The following GUCY1A2 variants were observed in gnomAD, a reference collection of about 807,000 sequenced individuals.
GUCY1A2 encodes guanylate cyclase 1 soluble subunit alpha 2.
Under a neutral mutation model 63.5 loss-of-function variants are expected in GUCY1A2, and 27 were observed. That is an observed-to-expected ratio of 0.43 (90% CI 0.31 to 0.59). The LOEUF (loss-of-function observed/expected upper bound fraction) is 0.59, where lower values mean the gene tolerates loss of function less well. Ranked by LOEUF, GUCY1A2 falls within the 20% of genes least tolerant of loss-of-function variation. The probability of loss-of-function intolerance (pLI) is 0.11; values close to 1 mark genes in which losing one functional copy is unlikely to be tolerated. For synonymous variants in GUCY1A2, 364 were observed against 343.5 expected (o/e 1.06, Z -0.66); for missense variants, 768 against 913.3 (o/e 0.84, Z 2.05).
At chr11:106,724,873 C>T (rs1591248822) in intron 6 of GUCY1A2, among the ~76,000 whole-genome samples, 1 of 152,156 alleles carries the variant, frequency 6.6e-6, no homozygotes, top group African/African-American at 2.4e-5. Context: ...CATTTGATTT[C>T]ATTTACTAGA....
At chr11:106,947,801 G>A (rs1370350266) in intron 3 of GUCY1A2, among the ~76,000 whole-genome samples, 1 of 151,774 alleles carries the variant, frequency 6.6e-6, no homozygotes, top group African/African-American at 2.4e-5. Context: ...CAATTCTGAG[G>A]TACAACAAAA....
intron 6 of GUCY1A2, among the ~76,000 whole-genome samples, chr11:106,718,584 AT>A (rs1863257199): frequency 6.6e-6 from 1 of 152,160 alleles, no homozygotes; most frequent in Non-Finnish European, 1.5e-5. Flanking sequence ...GAGTGTTATT[AT>A]TAAGGCCTAT....
chr11:106,961,114 G>A (rs1194380915), intron 3 of GUCY1A2, among the ~76,000 whole-genome samples: 1 of 151,952 alleles, frequency 6.6e-6, no homozygotes, highest in African/African-American at 2.4e-5. Flanking sequence ...GATTAGACTA[G>A]TCTCTTCAAT....
intron 4 of GUCY1A2, among the ~76,000 whole-genome samples, chr11:106,938,182 G>A (rs979765355): frequency 2.0e-5 from 3 of 151,930 alleles, no homozygotes; most frequent in Admixed American, 6.6e-5. Context: ...TCAGGTGATC[G>A]ATCTGCCCAC....
At chr11:106,834,172 T>C (rs1400813919) in intron 4 of GUCY1A2, among the ~76,000 whole-genome samples, 2 of 151,988 alleles carry the variant, frequency 1.3e-5, no homozygotes, top group African/African-American at 2.4e-5. Flanking sequence ...ATTCATCTTA[T>C]ACTTGCAAAT....
chr11:106,924,554 T>C (rs1226686097), intron 4 of GUCY1A2, among the ~76,000 whole-genome samples: 1 of 152,230 alleles, frequency 6.6e-6, no homozygotes, highest in Admixed American at 6.5e-5. Context: ...ACTAGCTATA[T>C]AACCTTAGAA....
At chr11:106,917,462 T>C (rs1860383087) in intron 4 of GUCY1A2, among the ~76,000 whole-genome samples, 1 of 145,296 alleles carries the variant, frequency 6.9e-6, no homozygotes, top group African/African-American at 2.4e-5. Context: ...CAAAGGATTA[T>C]AAATCATGCT....
At chr11:106,790,626 G>A (rs1019316279) in intron 5 of GUCY1A2, among the ~76,000 whole-genome samples, 2 of 151,768 alleles carry the variant, frequency 1.3e-5, no homozygotes, top group Non-Finnish European at 2.9e-5. Context: ...GCATCTTAGA[G>A]TCTTGCTTAA....
At chr11:106,907,740 A>C (rs891958163) in intron 4 of GUCY1A2, among the ~76,000 whole-genome samples, 2 of 151,880 alleles carry the variant, frequency 1.3e-5, no homozygotes, top group Non-Finnish European at 2.9e-5. Flanking sequence ...TGAACTCATC[A>C]TTTTTTATGG....
chr11:106,774,490 T>A (rs901038127), intron 6 of GUCY1A2, among the ~76,000 whole-genome samples: 9 of 152,130 alleles, frequency 5.9e-5, no homozygotes, highest in African/African-American at 2.2e-4. Context: ...CTCGTTAAGA[T>A]GGGTTTAGTT....
intron 5 of GUCY1A2, among the ~76,000 whole-genome samples, chr11:106,790,095 T>C (rs1285028432): frequency 1.3e-5 from 2 of 152,206 alleles, no homozygotes; most frequent in Non-Finnish European, 2.9e-5. Context: ...TTCACTGCAG[T>C]GAGTTACCCC....
intron 6 of GUCY1A2, among the ~76,000 whole-genome samples, chr11:106,709,373 TTATA>T (rs1372166285): frequency 2.0e-5 from 2 of 99,078 alleles, no homozygotes; most frequent in African/African-American, 4.2e-5. Context: ...TATATATAAA[TTATA>T]TATATTATAT....
intron 6 of GUCY1A2, among the ~76,000 whole-genome samples, chr11:106,721,203 C>T (rs189141796): frequency 1.3e-4 from 19 of 151,958 alleles, no homozygotes; most frequent in Non-Finnish European, 2.2e-4. Flanking sequence ...GGACTACAGG[C>T]GTGCGCCACC....
At chr11:106,983,847 T>C (rs1861367730) in intron 2 of GUCY1A2, among the ~76,000 whole-genome samples, 1 of 152,190 alleles carries the variant, frequency 6.6e-6, no homozygotes, top group Admixed American at 6.5e-5. Context: ...AATACAGGGA[T>C]TTCAAAATCC....
chr11:106,837,785 C>A (rs1285549683), intron 4 of GUCY1A2, among the ~76,000 whole-genome samples: 1 of 151,930 alleles, frequency 6.6e-6, no homozygotes, highest in Non-Finnish European at 1.5e-5. Flanking sequence ...TTTATAGTCA[C>A]CACTGTATTG....
chr11:106,685,120 A>G lies in GUCY1A2; in HGVS notation c.*2429T>C. On this transcript the variant is annotated 3_prime_UTR_variant, in exon 8 of 8. Coordinates refer to ENST00000526355, the MANE Select transcript of GUCY1A2 (RefSeq NM_000855.3). ...TCTCGGACTATAGCTGTGAAAATACACTTAGGTTATAATGTATGAAAAATG... is the reference window on the plus strand; with the variant it reads ...TCTCGGACTATAGCTGTGAAAATACGCTTAGGTTATAATGTATGAAAAATG... The G allele has an allele frequency of 4.8e-6, 1 of 206,592 alleles. No homozygotes were observed. The allele number at this position is 206,592 out of a possible 1,614,324, so 12.8% of individuals were successfully genotyped here.
chr11:106,950,109 T>C (rs182530522), intron 3 of GUCY1A2, among the ~76,000 whole-genome samples: 2 of 152,352 alleles, frequency 1.3e-5, no homozygotes, highest in African/African-American at 4.8e-5. Context: ...ATGCTTATTG[T>C]TTGACAAATT....
chr11:106,800,858 G>A (rs906471475), intron 5 of GUCY1A2, among the ~76,000 whole-genome samples: 2 of 151,572 alleles, frequency 1.3e-5, no homozygotes, highest in African/African-American at 4.8e-5. Flanking sequence ...TGCACGTTAT[G>A]CACATGTACC....
At chr11:106,708,764 A>T in intron 6 of GUCY1A2, 98 bp from the exon 7 acceptor site, 1 of 723,040 alleles carries the variant, frequency 1.4e-6, no homozygotes, top group Non-Finnish European at 2.1e-6. Context: ...AATAATAATA[A>T]AAAAAAACTA....
Sources: allele counts gnomAD v4.1 joint callset (sites outside exome capture counted in the v4.1 genomes callset), GRCh38; gene constraint gnomAD v4.1.1; transcripts MANE v1.5; gene names NCBI Gene and HGNC (gene_info 2026-07-23, HGNC 2026-07-21).